Variants in COBLL1 observed in about 807,000 individuals in gnomAD.
The protein encoded by COBLL1 is cordon-bleu WH2 repeat protein like 1.
A neutral mutation model predicts 94.8 loss-of-function variants in COBLL1; 50 were observed. That is an observed-to-expected ratio of 0.53 (90% CI 0.42 to 0.67). The LOEUF (loss-of-function observed/expected upper bound fraction) is 0.67. COBLL1 is among the 30% of genes least tolerant of loss of function. The pLI, the probability that COBLL1 is intolerant of heterozygous loss-of-function variation, is 0.00. For synonymous variants in COBLL1, 448 were observed against 473.8 expected, an observed-to-expected ratio of 0.95 and a Z score of 0.71; for missense variants, 1,362 against 1,348.7, an observed-to-expected ratio of 1.01 and a Z score of -0.15.
intron 1 of COBLL1, among the ~76,000 whole-genome samples, chr2:164,673,013 C>T (rs1691271022): frequency 6.6e-6 from 1 of 152,054 alleles, no homozygotes; most frequent in African/African-American, 2.4e-5. Flanking sequence ...GCAAAAACAA[C>T]AATAATTTAA....
At chr2:164,727,159 G>T in intron 5 of COBLL1, 3 of 1,449,932 alleles carry the variant, frequency 2.1e-6, no homozygotes, top group Admixed American at 2.1e-5. Context: ...AGAAGGAGGG[G>T]TATAAAAGAG....
At chr2:164,830,038 T>C (rs1175441986) in intron 2 of COBLL1, among the ~76,000 whole-genome samples, 1 of 152,216 alleles carries the variant, frequency 6.6e-6, no homozygotes, top group Non-Finnish European at 1.5e-5. Flanking sequence ...CCATCCACAA[T>C]GGTTCAGCCA....
chr2:164,666,418 C>A (rs1327957306), intron 1 of COBLL1, among the ~76,000 whole-genome samples: 9 of 152,270 alleles, frequency 5.9e-5, no homozygotes, highest in African/African-American at 2.2e-4. Flanking sequence ...AATGTTTTTG[C>A]TAGTAGAAGG....
intron 2 of COBLL1, among the ~76,000 whole-genome samples, chr2:164,803,421 C>G (rs1683916671): frequency 6.6e-6 from 1 of 151,182 alleles, no homozygotes; most frequent in South Asian, 2.1e-4. Context: ...AAAAATTAGC[C>G]GGGCGTAGTG....
At chr2:164,713,860 C>G (rs753657935) in intron 7 of COBLL1, among the ~76,000 whole-genome samples, 3 of 152,048 alleles carry the variant, frequency 2.0e-5, no homozygotes, top group Non-Finnish European at 2.9e-5. Flanking sequence ...ATCTCGTTAA[C>G]GTTGATCAAA....
Position 164,729,727 on chromosome 2 carries a change from A to T in COBLL1, c.432+187T>A, listed in dbSNP as rs75599260. ...TTGATCATTTTAGAGCATTAAATCT[A>T]AAGTACTGCCCAAATTCTATTTAAT... On this transcript the variant is annotated intron_variant, in intron 4 of 13. Transcript: ENST00000652658. Among the ~76,000 whole-genome samples, 1,085 of 152,318 alleles carry T rather than the reference A, an allele frequency of 7.1e-3. 5 individuals are homozygous for T. Among genetic ancestry groups the T allele is most frequent in the Non-Finnish European group, 9.9e-3 (673 of 68,006 alleles).
chr2:164,806,065 T>C (rs1684140488), intron 2 of COBLL1, among the ~76,000 whole-genome samples: 1 of 152,148 alleles, frequency 6.6e-6, no homozygotes, highest in Non-Finnish European at 1.5e-5. Context: ...TTCTTAAATG[T>C]TTTTATTGGT....
chr2:164,798,385 T>C (rs1683582017), intron 2 of COBLL1, among the ~76,000 whole-genome samples: 1 of 152,210 alleles, frequency 6.6e-6, no homozygotes, highest in Non-Finnish European at 1.5e-5. Context: ...AACTCAAACC[T>C]AGTTATGTAG....
intron 13 of COBLL1, among the ~76,000 whole-genome samples, chr2:164,691,897 A>G (rs1389723539): frequency 6.6e-6 from 1 of 152,122 alleles, no homozygotes; most frequent in East Asian, 1.9e-4. Context: ...CTTTTTTGGA[A>G]CAGGAAGGTG....
rs1682984411 is a variant in COBLL1 at position 164,680,466 on chromosome 2, G to C, written c.*5480C>G. 6.6e-6 allele frequency: 1 copy of C among 152,018 alleles called. No individual in the cohort carries two copies. Among genetic ancestry groups the C allele is most frequent in the Non-Finnish European group, 1.5e-5 (1 of 68,014 alleles). 9.4% of individuals were successfully genotyped at this position (152,018 alleles called of 1,614,324 possible). Reference sequence around the variant, plus strand: ...TGAACTTTTCCCCATTCATAACATGGGGGCATCGCTGAGGGAGAACTACCA... The same window carrying C: ...TGAACTTTTCCCCATTCATAACATGCGGGCATCGCTGAGGGAGAACTACCA... On this transcript the variant is annotated 3_prime_UTR_variant, in exon 14 of 14. Transcript: ENST00000652658.
intron 2 of COBLL1, among the ~76,000 whole-genome samples, chr2:164,768,958 G>C (rs1688068472): frequency 6.6e-6 from 1 of 152,132 alleles, no homozygotes; most frequent in African/African-American, 2.4e-5. Context: ...ACAATTCTTA[G>C]TGATTAATTC....
chr2:164,752,259 TC>T (rs1687164095), intron 2 of COBLL1, among the ~76,000 whole-genome samples: 1 of 152,124 alleles, frequency 6.6e-6, no homozygotes, highest in African/African-American at 2.4e-5. Flanking sequence ...ACCTCCACAT[TC>T]CAGATGAGGG....
intron 2 of COBLL1, among the ~76,000 whole-genome samples, chr2:164,835,958 A>G (rs989336712): frequency 4.4e-4 from 67 of 152,172 alleles, no homozygotes; most frequent in African/African-American, 1.6e-3. Flanking sequence ...TGATTAATTA[A>G]AAGTAGTTGT....
At chr2:164,799,066 C>G (rs1387850916) in intron 2 of COBLL1, among the ~76,000 whole-genome samples, 4 of 148,074 alleles carry the variant, frequency 2.7e-5, no homozygotes, top group East Asian at 2.0e-4. Context: ...GTTGCTTACT[C>G]TACCTTAACA....
chr2:164,747,956 G>A (rs1447703037), intron 2 of COBLL1, among the ~76,000 whole-genome samples: 1 of 151,878 alleles, frequency 6.6e-6, no homozygotes, highest in African/African-American at 2.4e-5. Context: ...AATACAAAAC[G>A]AAAAAGAAGG....
At chr2:164,670,641 A>G (rs1691227854) in intron 1 of COBLL1, among the ~76,000 whole-genome samples, 1 of 152,246 alleles carries the variant, frequency 6.6e-6, no homozygotes, top group Admixed American at 6.5e-5. Context: ...ATTTTTAAAA[A>G]TTCAAGTTAA....
intron 9 of COBLL1, 54 bp from the exon 10 acceptor site, chr2:164,700,810 T>C: frequency 9.6e-7 from 1 of 1,036,648 alleles, no homozygotes; most frequent in Non-Finnish European, 1.5e-6. Context: ...ATTCATCACA[T>C]GCAATTCTGG....
intron 2 of COBLL1, among the ~76,000 whole-genome samples, chr2:164,762,087 TG>T (rs1687711599): frequency 6.6e-6 from 1 of 152,226 alleles, no homozygotes; most frequent in African/African-American, 2.4e-5. Context: ...CTCTTCACTC[TG>T]TGGAAAAATA....
At chr2:164,743,360 G>A (rs767138838) in intron 3 of COBLL1, 11 of 184,526 alleles carry the variant, frequency 6.0e-5, no homozygotes, top group Non-Finnish European at 1.2e-4. Context: ...TGTTTTGTAA[G>A]TTTGGTTTAC....
Sources: allele counts gnomAD v4.1 joint callset (sites outside exome capture counted in the v4.1 genomes callset), GRCh38; gene constraint gnomAD v4.1.1; transcripts MANE v1.5; gene names NCBI Gene and HGNC (gene_info 2026-07-23, HGNC 2026-07-21).